Variants in DNAH6 observed in about 807,000 individuals in gnomAD.
The protein encoded by DNAH6 is dynein axonemal heavy chain 6.
In DNAH6, 340 loss-of-function variants were observed where a neutral mutation model predicts 491.4. That is an observed-to-expected ratio of 0.69 (90% CI 0.63 to 0.76). The LOEUF (loss-of-function observed/expected upper bound fraction) is 0.76. DNAH6 is among the 30% of genes least tolerant of loss of function. The pLI is 0.00. For missense variants in DNAH6, 4,443 were observed against 4,972.2 expected (o/e 0.89, Z 3.20); for synonymous variants, 1,603 against 1,686.1 (o/e 0.95, Z 1.21).
intron 76 of DNAH6, among the ~76,000 whole-genome samples, chr2:84,818,988 A>AGAG (rs1680772819): frequency 6.6e-6 from 1 of 152,080 alleles, no homozygotes; most frequent in Non-Finnish European, 1.5e-5. Context: ...TAGGAGAATC[A>AGAG]CTTGAACCCA....
chr2:84,550,747 A>G (rs1679259990), intron 9 of DNAH6, among the ~76,000 whole-genome samples: 2 of 152,150 alleles, frequency 1.3e-5, no homozygotes, highest in African/African-American at 4.8e-5. Context: ...TTTGTCCCCA[A>G]AAGCTTATAG....
intron 62 of DNAH6, among the ~76,000 whole-genome samples, chr2:84,738,377 G>A (rs554364385): frequency 2.0e-5 from 3 of 152,022 alleles, no homozygotes; most frequent in East Asian, 3.9e-4. Context: ...TGGTCATGTC[G>A]AATTTATGTC....
chr2:84,673,502 G>T (rs1692940172), intron 40 of DNAH6, among the ~76,000 whole-genome samples: 1 of 152,196 alleles, frequency 6.6e-6, no homozygotes, highest in African/African-American at 2.4e-5. Flanking sequence ...TGGTGTGTTA[G>T]TCAGGGTTCT....
chr2:84,743,479 T>A (rs1185469408), intron 62 of DNAH6, among the ~76,000 whole-genome samples: 1 of 152,216 alleles, frequency 6.6e-6, no homozygotes, highest in Non-Finnish European at 1.5e-5. Context: ...TAATCTTTTG[T>A]CTTTCTTGAT....
At chr2:84,782,895 C>T (rs928736687) in intron 65 of DNAH6, among the ~76,000 whole-genome samples, 6 of 151,828 alleles carry the variant, frequency 4.0e-5, no homozygotes, top group Non-Finnish European at 8.8e-5. Flanking sequence ...CATTCAGTTT[C>T]ACTGTAACTA....
chr2:84,727,477 T>G (rs1018295770), intron 60 of DNAH6, among the ~76,000 whole-genome samples, 192 bp from the exon 61 acceptor site: 2 of 152,176 alleles, frequency 1.3e-5, no homozygotes, highest in African/African-American at 4.8e-5. Context: ...TGTTCATAAT[T>G]CAAAGACCTG....
At chr2:84,463,075 G>A in the DNAH6 span, among the ~76,000 whole-genome samples, 1,725 of 152,254 alleles carry the variant, frequency 0.011, 33 homozygotes, top group East Asian at 0.066. Context: ...AGGGGAGTGG[G>A]GGAGGAGTTT....
intron 53 of DNAH6, 61 bp downstream of exon 53, chr2:84,707,080 A>C (rs1375563902): frequency 2.7e-6 from 4 of 1,470,016 alleles, no homozygotes; most frequent in Non-Finnish European, 3.6e-6. Flanking sequence ...AGTAGGAAGA[A>C]GTTTTTGGCA....
chr2:84,771,532 A>T (rs1675620514), intron 64 of DNAH6, among the ~76,000 whole-genome samples: 1 of 152,220 alleles, frequency 6.6e-6, no homozygotes, highest in Admixed American at 6.5e-5. Context: ...TGCTATAATC[A>T]AACTATCAAA....
intron 21 of DNAH6, among the ~76,000 whole-genome samples, chr2:84,608,307 A>G (rs2365459): frequency 0.86 from 130,857 of 151,928 alleles, 57,167 homozygotes; most frequent in East Asian, 0.99. Flanking sequence ...CATCTAGAAT[A>G]ATGAGTCCTT....
chr2:84,475,573 A>G, the DNAH6 span, among the ~76,000 whole-genome samples: 1 of 152,032 alleles, frequency 6.6e-6, no homozygotes, highest in Non-Finnish European at 1.5e-5. Context: ...ATTCTTTTCT[A>G]CTCTTAATCC....
chr2:84,626,920 T>G (rs1240520637), intron 29 of DNAH6, among the ~76,000 whole-genome samples: 2 of 152,192 alleles, frequency 1.3e-5, no homozygotes, highest in Non-Finnish European at 2.9e-5. Flanking sequence ...CCATTATTTT[T>G]CTAACTACTG....
rs1680444186 is a variant in DNAH6, at chr2:84,815,946, A to G, written c.12236A>G (p.Asp4079Gly). The G allele has an allele frequency of 2.6e-6, 4 of 1,551,756 alleles. No homozygotes were observed. The highest frequency in any genetic ancestry group is 1.7e-4 in the Middle Eastern group (1 of 6,016). Residue 4079 changes from aspartate (D) to glycine (G), a missense_variant, in exon 76 of 77, where the codon GAT (aspartate) becomes GGT (glycine). Around this residue, in one of 3 missense-constraint regions of DNAH6, gnomAD observed 1,463 missense variants for 1,656.6 expected, o/e 0.88. Transcript: ENST00000389394. ...GATGATAAGGAGATGGTGATAGAAG[A>G]TGCATTGCCCGGACAGATGAATCCA... The part of the protein sequence containing the change: ...RWDDKEMVIE[D>G]ALPGQMNPVL...
chr2:84,675,671 TATTTTG>T (rs978460405), intron 40 of DNAH6, among the ~76,000 whole-genome samples: 6 of 152,180 alleles, frequency 3.9e-5, no homozygotes, highest in African/African-American at 1.4e-4. Context: ...TGTTTTATTT[TATTTTG>T]AGGTAGGGTC....
intron 62 of DNAH6, among the ~76,000 whole-genome samples, chr2:84,737,294 T>C (rs185816227): frequency 6.6e-6 from 1 of 152,224 alleles, no homozygotes; most frequent in East Asian, 1.9e-4. Context: ...TTTTCTTTTC[T>C]TTTTGTGTCT....
the DNAH6 span, among the ~76,000 whole-genome samples, chr2:84,479,835 T>C: frequency 6.6e-6 from 1 of 152,204 alleles, no homozygotes; most frequent in Non-Finnish European, 1.5e-5. Context: ...ACCACAAAAA[T>C]CAAACCCAAA....
At chr2:84,480,744 C>T in the DNAH6 span, among the ~76,000 whole-genome samples, 1 of 152,166 alleles carries the variant, frequency 6.6e-6, no homozygotes, top group Non-Finnish European at 1.5e-5. Flanking sequence ...GGGTGGATCA[C>T]CTTAGGTCAG....
At chr2:84,682,130 T>C (rs1693841833) in intron 42 of DNAH6, among the ~76,000 whole-genome samples, 1 of 152,238 alleles carries the variant, frequency 6.6e-6, no homozygotes, top group South Asian at 2.1e-4. Context: ...AAGTTCTCCC[T>C]TTACTATACG....
At position 84,672,363 on chromosome 2, in the gene DNAH6, A is replaced by C; in HGVS notation, c.6491A>C (p.Asp2164Ala). Residue 2164 changes from aspartate (D) to alanine (A), a missense_variant, in exon 40 of 77, where the codon GAT becomes GCT. By Grantham distance (126) the Asp-to-Ala change is moderately radical. Coordinates refer to ENST00000389394, the MANE Select transcript of DNAH6 (RefSeq NM_001370.2). ...AACAAACGAATTGTGATTTTTGTTG[A>C]TGATTTAAACATGCCCAGACTGGAT... Reference protein sequence around the residue: ...PGNKRIVIFVDDLNMPRLDRY... With the variant: ...PGNKRIVIFVADLNMPRLDRY... 1 of 1,550,538 alleles carries C rather than the reference A, an allele frequency of 6.4e-7. No individual in the cohort carries two copies. Among genetic ancestry groups the C allele is most frequent in the Non-Finnish European group, 8.7e-7 (1 of 1,146,322 alleles).
Sources: gnomAD v4.1 joint callset for allele counts (sites outside exome capture counted in the v4.1 genomes callset) on GRCh38, gnomAD v4.1.1 for gene constraint, gnomAD v4.1.1 regional missense constraint, MANE v1.5 for transcripts, NCBI Gene and HGNC (gene_info 2026-07-23, HGNC 2026-07-21) for gene names.